PPFIA2: variants seen among roughly 807,000 people sequenced by gnomAD.
PPFIA2 encodes liprin-alpha-2.
A neutral mutation model predicts 175.5 loss-of-function variants in PPFIA2; 46 were observed. The ratio of observed to expected loss-of-function variants is 0.26; its 90% CI spans 0.21 to 0.34. PPFIA2 has a LOEUF of 0.34. Among genes scored for constraint, PPFIA2 ranks in the 10% least tolerant of loss-of-function variants. The pLI, the probability that PPFIA2 is intolerant of heterozygous loss-of-function variation, is 1.00. For synonymous variants in PPFIA2, 568 were observed against 511.4 expected, an observed-to-expected ratio of 1.11 and a Z score of -1.49; for missense variants, 1,179 against 1,506.1, an observed-to-expected ratio of 0.78 and a Z score of 3.60.
chr12:81,528,440 C>G (rs2064017016), intron 4 of PPFIA2, among the ~76,000 whole-genome samples: 1 of 151,998 alleles, frequency 6.6e-6, no homozygotes, highest in African/African-American at 2.4e-5. Flanking sequence ...TATTTCAAAC[C>G]TGGCTGATTT....
intron 3 of PPFIA2, among the ~76,000 whole-genome samples, chr12:81,740,674 A>C (rs1193566978): frequency 6.6e-6 from 1 of 152,178 alleles, no homozygotes; most frequent in Non-Finnish European, 1.5e-5. Flanking sequence ...ATTCATAAAA[A>C]TAAATGAATC....
intron 15 of PPFIA2, among the ~76,000 whole-genome samples, chr12:81,361,706 T>G (rs939674681): frequency 1.3e-5 from 2 of 151,590 alleles, no homozygotes; most frequent in Admixed American, 1.3e-4. Context: ...TGCAAGATAG[T>G]TTTTTAGGTG....
At chr12:81,402,860 A>C (rs1450178021) in intron 8 of PPFIA2, among the ~76,000 whole-genome samples, 3 of 152,276 alleles carry the variant, frequency 2.0e-5, no homozygotes, top group Middle Eastern at 3.4e-3. Context: ...AATAAAAATA[A>C]ATTTAAAAAT....
At chr12:81,648,490 A>G (rs1459064464) in intron 4 of PPFIA2, among the ~76,000 whole-genome samples, 1 of 152,058 alleles carries the variant, frequency 6.6e-6, no homozygotes, top group African/African-American at 2.4e-5. Context: ...AGAAAATTTT[A>G]AAAGACCTAA....
intron 4 of PPFIA2, among the ~76,000 whole-genome samples, chr12:81,534,085 T>C (rs7315394): frequency 0.11 from 16,350 of 151,724 alleles, 1,006 homozygotes; most frequent in Middle Eastern, 0.15. Flanking sequence ...AAATATTGCA[T>C]GTTCTCACTC....
At chr12:81,742,084 C>T (rs556426695) in intron 3 of PPFIA2, among the ~76,000 whole-genome samples, 2 of 152,068 alleles carry the variant, frequency 1.3e-5, no homozygotes, top group East Asian at 3.9e-4. Flanking sequence ...AGCAAGAACA[C>T]CAGGATGGTG....
At chr12:81,554,789 T>C (rs1044196914) in intron 4 of PPFIA2, among the ~76,000 whole-genome samples, 2 of 152,064 alleles carry the variant, frequency 1.3e-5, no homozygotes, top group African/African-American at 4.8e-5. Context: ...GAAATATAAA[T>C]GTTTTCTGAA....
At chr12:81,569,930 C>T (rs752164084) in intron 4 of PPFIA2, among the ~76,000 whole-genome samples, 1 of 152,130 alleles carries the variant, frequency 6.6e-6, no homozygotes, top group Non-Finnish European at 1.5e-5. Context: ...GAACTCTAAA[C>T]TATCCACAAT....
chr12:81,752,686 T>C (rs572593237), intron 3 of PPFIA2, among the ~76,000 whole-genome samples: 20 of 152,338 alleles, frequency 1.3e-4, no homozygotes, highest in African/African-American at 4.6e-4. Context: ...TATGAGTTAA[T>C]AGTACAGATA....
At chr12:81,398,719 G>A (rs554391283) in intron 8 of PPFIA2, among the ~76,000 whole-genome samples, 10 of 152,062 alleles carry the variant, frequency 6.6e-5, no homozygotes, top group Non-Finnish European at 1.5e-4. Context: ...TAACTTTAAA[G>A]GTTAAGCACC....
At chr12:81,694,362 G>A (rs1030002752) in intron 3 of PPFIA2, among the ~76,000 whole-genome samples, 2 of 152,164 alleles carry the variant, frequency 1.3e-5, no homozygotes, top group East Asian at 1.9e-4. Flanking sequence ...ACTGTCCTGT[G>A]CAGCCTTCTT....
Position 81,375,850 on chromosome 12 carries a change from G to T in PPFIA2, c.1077C>A (p.Asp359Glu), listed in dbSNP as rs767986220. Reference sequence around the variant, plus strand: ...ACTCATTTTCTAGTTTATCATTCATGTCATGTATGGAGGTAGATTCTCTCT... The same window carrying T: ...ACTCATTTTCTAGTTTATCATTCATTTCATGTATGGAGGTAGATTCTCTCT... ...SAQRESTSIH[D>E]MNDKLENELA... The change falls in exon 10 of 33, where the codon GAC (aspartate) becomes GAA (glutamate). Residue 359 changes from aspartate (D) to glutamate (E), a missense_variant. Around this residue, in one of 10 missense-constraint regions of PPFIA2, gnomAD observed 226 missense variants for 216.6 expected, o/e 1.04. Coordinates refer to ENST00000549396, the MANE Select transcript of PPFIA2 (RefSeq NM_003625.5). 6.2e-7 allele frequency: 1 copy of T among 1,608,590 alleles called. No homozygotes were observed. The highest frequency in any genetic ancestry group is 1.7e-5 in the Admixed American group (1 of 59,944).
rs182793549 is a variant in PPFIA2, at chr12:81,607,259, T to G, written c.303+69532A>C. On this transcript the variant is annotated intron_variant, in intron 4 of 32. Transcript: ENST00000549396. ...TGTGATGCCTCCAACTTTGTTCTTT[T>G]GCTTAGGATTGCTTTGGCTATTTGG... Among the ~76,000 whole-genome samples the G allele has an allele frequency of 2.0e-3, 299 of 152,262 alleles. 1 individual carries two copies. Among genetic ancestry groups the G allele is most frequent in the Non-Finnish European group, 3.8e-3 (258 of 67,998 alleles).
intron 4 of PPFIA2, chr12:81,597,864 A>T: frequency 7.6e-7 from 1 of 1,309,160 alleles, no homozygotes; most frequent in Non-Finnish European, 1.0e-6. Flanking sequence ...CAACCTTTTT[A>T]AGTCTTTCTT....
At chr12:81,743,715 T>A (rs554430786) in intron 3 of PPFIA2, among the ~76,000 whole-genome samples, 1 of 152,068 alleles carries the variant, frequency 6.6e-6, no homozygotes, top group Non-Finnish European at 1.5e-5. Flanking sequence ...CAGTAGAGGA[T>A]AAAAGGCAAT....
chr12:81,392,139 C>T (rs2040243599), intron 8 of PPFIA2, among the ~76,000 whole-genome samples: 1 of 151,688 alleles, frequency 6.6e-6, no homozygotes, highest in East Asian at 1.9e-4. Flanking sequence ...TTGGCTTAGA[C>T]CAGGGTAATA....
intron 4 of PPFIA2, among the ~76,000 whole-genome samples, chr12:81,548,863 C>A (rs1215786580): frequency 6.6e-6 from 1 of 152,014 alleles, no homozygotes; most frequent in Non-Finnish European, 1.5e-5. Context: ...AAAACATATT[C>A]TTTTTGCCCA....
intron 3 of PPFIA2, among the ~76,000 whole-genome samples, chr12:81,735,099 C>A (rs1568060007): frequency 1.3e-5 from 2 of 151,720 alleles, no homozygotes; most frequent in Non-Finnish European, 2.9e-5. Context: ...CTGCTATGAA[C>A]ATTTGTGAAC....
intron 18 of PPFIA2, among the ~76,000 whole-genome samples, chr12:81,346,376 C>G (rs559618315): frequency 6.1e-4 from 92 of 151,816 alleles, no homozygotes; most frequent in Non-Finnish European, 1.2e-3. Context: ...TAATGCCCTA[C>G]TACCTCCAGT....
Sources: gnomAD v4.1 joint callset for allele counts (sites outside exome capture counted in the v4.1 genomes callset) on GRCh38, gnomAD v4.1.1 for gene constraint, gnomAD v4.1.1 regional missense constraint, MANE v1.5 for transcripts, NCBI Gene and HGNC (gene_info 2026-07-23, HGNC 2026-07-21) for gene names.